The following RCL1 variants were observed in gnomAD, a reference collection of about 807,000 sequenced individuals.
RCL1 encodes the protein RNA terminal phosphate cyclase like 1.
RCL1 carries 24 observed loss-of-function variants against 42.4 expected under a neutral mutation model. The observed-to-expected ratio is 0.57, with a 90% CI of 0.41 to 0.80. The LOEUF (loss-of-function observed/expected upper bound fraction) is 0.80. Among genes scored for constraint, RCL1 ranks in the 30% least tolerant of loss-of-function variants. The probability of loss-of-function intolerance (pLI) is 0.00; values close to 1 mark genes in which losing one functional copy is unlikely to be tolerated. For synonymous variants in RCL1, 228 were observed against 177.3 expected (o/e 1.29, Z -2.27); for missense variants, 578 against 467.9 (o/e 1.24, Z -2.17).
intron 1 of RCL1, among the ~76,000 whole-genome samples, chr9:4,797,928 A>T (rs915140379): frequency 1.3e-5 from 2 of 152,214 alleles, no homozygotes; most frequent in Non-Finnish European, 2.9e-5. Flanking sequence ...CCACATGTAT[A>T]ATTTATGCTT....
intron 3 of RCL1, chr9:4,827,335 T>TA (rs1471648950): frequency 2.7e-6 from 3 of 1,124,506 alleles, no homozygotes; most frequent in Non-Finnish European, 3.7e-6. Flanking sequence ...GCTGGCTGTA[T>TA]ATGTGAGAGT....
At chr9:4,845,699 A>T (rs1817488471) in intron 7 of RCL1, among the ~76,000 whole-genome samples, 1 of 152,196 alleles carries the variant, frequency 6.6e-6, no homozygotes, top group African/African-American at 2.4e-5. Flanking sequence ...AGTCCAGGAA[A>T]GGCTCTGAAG....
At chr9:4,855,126 G>A (rs991900752) in intron 8 of RCL1, among the ~76,000 whole-genome samples, 9 of 151,812 alleles carry the variant, frequency 5.9e-5, no homozygotes, top group Non-Finnish European at 1.2e-4. Context: ...CTTGTCAGAT[G>A]GACTAGAGGC....
intron 2 of RCL1, 58 bp from the exon 3 acceptor site, chr9:4,826,800 C>T (rs905801728): frequency 1.4e-6 from 2 of 1,465,810 alleles, no homozygotes; most frequent in East Asian, 2.3e-5. Flanking sequence ...CCTTCATTAC[C>T]TTTGTGACAT....
At chr9:4,828,416 C>G (rs1300930322) in intron 3 of RCL1, among the ~76,000 whole-genome samples, 1 of 152,158 alleles carries the variant, frequency 6.6e-6, no homozygotes, top group African/African-American at 2.4e-5. Context: ...GCAATAAAAA[C>G]TTATTCTTCA....
At chr9:4,828,424 T>A (rs781701817) in intron 3 of RCL1, among the ~76,000 whole-genome samples, 4 of 152,202 alleles carry the variant, frequency 2.6e-5, no homozygotes, top group Non-Finnish European at 4.4e-5. Flanking sequence ...AACTTATTCT[T>A]CATTTCTTGG....
rs66886360 is a variant in RCL1, at chr9:4,817,912, A to ATTTTTT, written c.137-5616_137-5611dup. Among the ~76,000 whole-genome samples the ATTTTTT allele has an allele frequency of 2.6e-4, 20 of 78,358 alleles. 1 individual carries two copies. Among genetic ancestry groups the ATTTTTT allele is most frequent in the East Asian group, 9.0e-4 (2 of 2,210 alleles). The allele number at this position is 78,358 out of a possible 152,430, so 51.4% of individuals were successfully genotyped here. A position where few individuals can be genotyped will look rare whatever the true frequency, so the allele number is the denominator to read the frequency against. ...TTCATTTTGCTCTTACTTTTCTAAGATTTTTTTTTTTTTTTTTTTTTTTTT... is the reference window on the plus strand; with the variant it reads ...TTCATTTTGCTCTTACTTTTCTAAGATTTTTTTTTTTTTTTTTTTTTTTTTTTTTTT... On this transcript the variant is annotated intron_variant, in intron 1 of 8. Transcript: ENST00000381750.
intron 1 of RCL1, among the ~76,000 whole-genome samples, chr9:4,814,387 A>G (rs994689726): frequency 6.6e-6 from 1 of 152,042 alleles, no homozygotes; most frequent in African/African-American, 2.4e-5. Context: ...GGGCTCAAGC[A>G]ATCTTTCCGG....
intron 4 of RCL1, 86 bp downstream of exon 4, chr9:4,833,314 ATGTG>A: frequency 1.0e-6 from 1 of 981,498 alleles, no homozygotes; most frequent in Non-Finnish European, 1.6e-6. Context: ...GACTCAGTGT[ATGTG>A]TGTCACATTT....
chr9:4,846,507 A>G (rs943786233), intron 7 of RCL1, among the ~76,000 whole-genome samples: 2 of 152,224 alleles, frequency 1.3e-5, no homozygotes, highest in Non-Finnish European at 1.5e-5. Flanking sequence ...TTTGGGGTAG[A>G]TGATCAAGAG....
chr9:4,849,169 T>G (rs1293665311), intron 7 of RCL1, among the ~76,000 whole-genome samples: 4 of 23,032 alleles, frequency 1.7e-4, no homozygotes, highest in East Asian at 0.01. Flanking sequence ...GAAAGTTTCA[T>G]TTTTTTTTTT....
intron 5 of RCL1, chr9:4,839,864 G>A (rs544286967): frequency 2.0e-6 from 2 of 985,640 alleles, no homozygotes; most frequent in Admixed American, 6.1e-5. Context: ...TGTATGGTAA[G>A]TTCAAGTGGA....
At chr9:4,802,946 G>T (rs1006568373) in intron 1 of RCL1, among the ~76,000 whole-genome samples, 1 of 151,622 alleles carries the variant, frequency 6.6e-6, no homozygotes, top group Admixed American at 6.6e-5. Flanking sequence ...TCAGCCTCCT[G>T]AGTAGTTAGG....
Position 4,860,459 on chromosome 9 carries a change from C to T in RCL1, c.*184C>T. On this transcript the variant is annotated 3_prime_UTR_variant, in exon 9 of 9. Transcript: ENST00000381750. The stretch of plus-strand genomic sequence containing the variant: ...AGCATATGGTTTCCAGCTGTTTCTC[C>T]AGTGGCATTGCCATTGCCCAGGAGG... The T allele has an allele frequency of 1.5e-6, 1 of 663,828 alleles. No individual in the cohort carries two copies. 41.1% of individuals were successfully genotyped at this position (663,828 alleles called of 1,614,324 possible). A position where few individuals can be genotyped will look rare whatever the true frequency, so the allele number is the denominator to read the frequency against.
At chr9:4,858,883 G>A (rs978995731) in intron 8 of RCL1, among the ~76,000 whole-genome samples, 2 of 152,138 alleles carry the variant, frequency 1.3e-5, no homozygotes, top group Admixed American at 1.3e-4. Flanking sequence ...CCCTAACCTT[G>A]CCCAATGAGA....
At chr9:4,821,897 G>A (rs984702826) in intron 1 of RCL1, among the ~76,000 whole-genome samples, 1 of 152,156 alleles carries the variant, frequency 6.6e-6, no homozygotes, top group Non-Finnish European at 1.5e-5. Flanking sequence ...CCTTTTAGTG[G>A]TCCCATCTCT....
Position 4,849,513 on chromosome 9 carries a change from G to A in RCL1, c.934G>A (p.Val312Ile). 2 of 1,613,770 alleles carry A rather than the reference G, an allele frequency of 1.2e-6. No individual in the cohort carries two copies. The highest frequency in any genetic ancestry group is 2.2e-5 in the East Asian group (1 of 44,860). ...ACTCATGACCCTTGGACAGCAGGAT[G>A]TTTCCAAAGTCCTGCTAGGCCCTCT... ...LLLMTLGQQDVSKVLLGPLSP... is the reference protein window; with the variant it reads ...LLLMTLGQQDISKVLLGPLSP... The change falls in exon 8 of 9, where the codon GTT (valine) becomes ATT (isoleucine). Residue 312 changes from valine to isoleucine, a missense_variant. Physicochemically the swap from Val to Ile is conservative, Grantham distance 29. Coordinates refer to ENST00000381750, the MANE Select transcript of RCL1 (RefSeq NM_005772.5).
At chr9:4,799,419 G>A (rs2130964177) in intron 1 of RCL1, among the ~76,000 whole-genome samples, 1 of 152,270 alleles carries the variant, frequency 6.6e-6, no homozygotes, top group East Asian at 1.9e-4. Flanking sequence ...CCCCAATGGT[G>A]ATATATGGAA....
intron 2 of RCL1, among the ~76,000 whole-genome samples, chr9:4,826,500 A>G (rs891960720): frequency 6.6e-6 from 1 of 152,204 alleles, no homozygotes; most frequent in African/African-American, 2.4e-5. Context: ...ATTTAAGCAC[A>G]TCATTTGTAA....
Sources: allele counts gnomAD v4.1 joint callset (sites outside exome capture counted in the v4.1 genomes callset), GRCh38; gene constraint gnomAD v4.1.1; transcripts MANE v1.5; gene names NCBI Gene and HGNC (gene_info 2026-07-23, HGNC 2026-07-21).